The following NCAM1 variants were observed in gnomAD, a reference collection of about 807,000 sequenced individuals.
NCAM1 encodes antigen recognized by monoclonal antibody 5.1H11.
Under a neutral mutation model 109.8 loss-of-function variants are expected in NCAM1, and 14 were observed. The observed-to-expected ratio is 0.13, with a 90% CI of 0.08 to 0.20. The LOEUF (loss-of-function observed/expected upper bound fraction) is 0.20, where lower values mean the gene tolerates loss of function less well. Among genes scored for constraint, NCAM1 ranks in the 10% least tolerant of loss-of-function variants. The pLI is 1.00. For synonymous variants in NCAM1, 418 were observed against 442.9 expected (o/e 0.94, Z 0.70); for missense variants, 774 against 1,109.9 (o/e 0.70, Z 4.30).
chr11:113,116,428 G>A (rs1043329844), intron 1 of NCAM1, among the ~76,000 whole-genome samples: 30 of 152,322 alleles, frequency 2.0e-4, no homozygotes, highest in East Asian at 7.7e-4. Context: ...CTGCAAAGCC[G>A]CTAGAGAAAT....
At chr11:113,144,926 A>G (rs940686580) in intron 1 of NCAM1, among the ~76,000 whole-genome samples, 66 of 152,208 alleles carry the variant, frequency 4.3e-4, no homozygotes, top group Non-Finnish European at 6.8e-4. Context: ...GAGTCCTCCA[A>G]CCAATCTGCA....
At chr11:113,089,388 T>A (rs527742196) in intron 1 of NCAM1, among the ~76,000 whole-genome samples, 3 of 149,110 alleles carry the variant, frequency 2.0e-5, no homozygotes, top group East Asian at 1.9e-4. Context: ...TTTTTTTTTT[T>A]AATCAGAGCA....
chr11:113,081,616 C>A (rs1288670600), intron 1 of NCAM1, among the ~76,000 whole-genome samples: 1 of 151,980 alleles, frequency 6.6e-6, no homozygotes, highest in South Asian at 2.1e-4. Flanking sequence ...CTCACTGCAA[C>A]CTCTGCCTCT....
intron 9 of NCAM1, 69 bp from the exon 10 acceptor site, chr11:113,231,576 G>T: frequency 6.7e-7 from 1 of 1,495,966 alleles, no homozygotes. Context: ...CCCCCATCCT[G>T]CCATAGCACT....
At chr11:113,211,354 A>G (rs1944387341) in intron 7 of NCAM1, among the ~76,000 whole-genome samples, 3 of 152,220 alleles carry the variant, frequency 2.0e-5, no homozygotes, top group Admixed American at 2.0e-4. Context: ...AGGAATGTCC[A>G]TCAGTATGTA....
intron 1 of NCAM1, among the ~76,000 whole-genome samples, chr11:113,047,129 G>A (rs145323880): frequency 3.0e-3 from 460 of 152,296 alleles, no homozygotes; most frequent in African/African-American, 0.01. Context: ...ATGTGTACCC[G>A]TAAGGCTGGT....
At chr11:113,177,461 G>A (rs1466837382) in intron 1 of NCAM1, among the ~76,000 whole-genome samples, 2 of 152,120 alleles carry the variant, frequency 1.3e-5, no homozygotes, top group Non-Finnish European at 2.9e-5. Flanking sequence ...TGTTGCTGGA[G>A]TCTCGCTCTG....
chr11:113,223,343 AGTGAGCCTACTGCAAAATAAG>A (rs2137116569), intron 9 of NCAM1, among the ~76,000 whole-genome samples: 1 of 152,332 alleles, frequency 6.6e-6, no homozygotes, highest in South Asian at 2.1e-4. Context: ...TCAAATCTGT[AGTGAGCCTACTGCAAAATAAG>A]AATTCTCTTT....
chr11:113,044,956 G>C (rs996812569), intron 1 of NCAM1, among the ~76,000 whole-genome samples: 15 of 149,006 alleles, frequency 1.0e-4, no homozygotes, highest in South Asian at 2.1e-4. Context: ...GGGTTTCACC[G>C]TGTTAGCAAG....
At chr11:113,101,991 C>G (rs370090167) in intron 1 of NCAM1, among the ~76,000 whole-genome samples, 1 of 152,192 alleles carries the variant, frequency 6.6e-6, no homozygotes, top group Non-Finnish European at 1.5e-5. Flanking sequence ...ATTAAGAATA[C>G]TGTTATGTTT....
chr11:113,114,090 T>G (rs1940571490), intron 1 of NCAM1, among the ~76,000 whole-genome samples: 1 of 152,356 alleles, frequency 6.6e-6, no homozygotes, highest in Non-Finnish European at 1.5e-5. Context: ...CCTTGAATAT[T>G]AAACTCTTTT....
At chr11:113,183,493 C>T (rs1271957291) in intron 1 of NCAM1, among the ~76,000 whole-genome samples, 1 of 152,188 alleles carries the variant, frequency 6.6e-6, no homozygotes, top group Non-Finnish European at 1.5e-5. Flanking sequence ...TTTATTAGAA[C>T]CTGCTGGGTA....
At chr11:113,058,139 C>T (rs1953780085) in intron 1 of NCAM1, among the ~76,000 whole-genome samples, 1 of 151,990 alleles carries the variant, frequency 6.6e-6, no homozygotes, top group Admixed American at 6.6e-5. Context: ...AAAAAATTAG[C>T]AGGGTGTGGT....
intron 1 of NCAM1, among the ~76,000 whole-genome samples, chr11:113,042,669 G>C (rs1953119344): frequency 6.6e-6 from 1 of 152,060 alleles, no homozygotes; most frequent in South Asian, 2.1e-4. Context: ...CCTTCCTCCT[G>C]TTAGGGCCAT....
At position 113,018,283 on chromosome 11, in the gene NCAM1, A is replaced by T. The variant is rs548005501; in HGVS notation, c.52+56619A>T. Reference sequence around the variant, plus strand: ...ATGTTCACTTTATTGTGTAACAGCCATGCCATTTCTCTTACTTTTACATTT... The same window carrying T: ...ATGTTCACTTTATTGTGTAACAGCCTTGCCATTTCTCTTACTTTTACATTT... On this transcript the variant is annotated intron_variant, in intron 1 of 19. Coordinates refer to ENST00000316851, the MANE Select transcript of NCAM1 (RefSeq NM_181351.5). 8.6e-5 allele frequency among the ~76,000 whole-genome samples: 13 copies of T among 151,992 alleles called. No homozygotes were observed. In the East Asian group the frequency reaches 2.3e-3, roughly 27 times the overall value.
intron 1 of NCAM1, among the ~76,000 whole-genome samples, chr11:113,129,960 GTTA>G (rs1377863675): frequency 2.9e-4 from 44 of 152,282 alleles, no homozygotes; most frequent in Non-Finnish European, 5.1e-4. Context: ...CCTTTTTAAT[GTTA>G]TTATCACGTT....
intron 1 of NCAM1, among the ~76,000 whole-genome samples, chr11:113,014,013 T>G (rs1053551921): frequency 2.6e-5 from 4 of 152,162 alleles, no homozygotes; most frequent in African/African-American, 2.4e-5. Context: ...TTTTTCCTTG[T>G]GACTTTTTAT....
In NCAM1 at chr11:113,128,949, G is replaced by GCA. The variant is rs1314784889; in HGVS notation, c.53-73429_53-73428dup. 3.1e-4 allele frequency among the ~76,000 whole-genome samples: 44 copies of GCA among 139,804 alleles called. 3 individuals carry two copies. The highest frequency in any genetic ancestry group is 6.8e-4 in the South Asian group (3 of 4,430). The allele number at this position is 139,804 out of a possible 152,430, so 91.7% of individuals were successfully genotyped here. A position where few individuals can be genotyped will look rare whatever the true frequency, so the allele number is the denominator to read the frequency against. ...TGTGTGTGTGTGTGTGTGTGTGTGT[G>GCA]CATGCGTGCAGGCACACATGATATA... On this transcript the variant is annotated intron_variant, in intron 1 of 19. Transcript: ENST00000316851.
intron 17 of NCAM1, among the ~76,000 whole-genome samples, chr11:113,260,974 T>C (rs1404075745): frequency 6.6e-6 from 1 of 152,220 alleles, no homozygotes; most frequent in African/African-American, 2.4e-5. Context: ...GATACAGATC[T>C]GTCTCCAGGG....
Sources: gnomAD v4.1 joint callset for allele counts (sites outside exome capture counted in the v4.1 genomes callset) on GRCh38, gnomAD v4.1.1 for gene constraint, MANE v1.5 for transcripts, NCBI Gene and HGNC (gene_info 2026-07-23, HGNC 2026-07-21) for gene names.